Variants in CACNA2D2 observed in about 807,000 individuals in gnomAD.
CACNA2D2 encodes the protein voltage-dependent calcium channel subunit alpha-2/delta-2.
CACNA2D2 carries 48 observed loss-of-function variants against 166.4 expected under a neutral mutation model. The ratio of observed to expected loss-of-function variants is 0.29; its 90% CI spans 0.23 to 0.37. The LOEUF is 0.37. CACNA2D2 is among the 10% of genes least tolerant of loss of function. The pLI, the probability that CACNA2D2 is intolerant of heterozygous loss-of-function variation, is 1.00. For missense variants in CACNA2D2, 1,122 were observed against 1,433.0 expected, an observed-to-expected ratio of 0.78 and a Z score of 3.50; for synonymous variants, 561 against 573.7, an observed-to-expected ratio of 0.98 and a Z score of 0.32.
chr3:50,434,350 A>C lies in CACNA2D2; in HGVS notation c.368T>G (p.Ile123Ser), dbSNP rs761210599. The C allele has an allele frequency of 6.2e-7, 1 of 1,613,832 alleles. No homozygotes were observed. Among genetic ancestry groups the C allele is most frequent in the Non-Finnish European group, 8.5e-7 (1 of 1,179,926 alleles). ...QKLVEKVAGD[I>S]ESLLDRKVQA... ...CACCTTCCTGTCCAGAAGGCTCTCA[A>C]TGTCCCCTGCCACCTTCTCCACCAA... The change falls in exon 3 of 38, where the codon ATT becomes AGT. Residue 123 changes from isoleucine (I) to serine (S), a missense_variant. Ile to Ser is a moderately radical substitution (Grantham distance 142). Coordinates refer to ENST00000424201, the MANE Select transcript of CACNA2D2 (RefSeq NM_006030.4).
chr3:50,400,441 C>T (rs1706391006), intron 3 of CACNA2D2, among the ~76,000 whole-genome samples: 1 of 152,266 alleles, frequency 6.6e-6, no homozygotes, highest in Admixed American at 6.5e-5. Context: ...ACAGACAGTG[C>T]CTGCTACATG....
Position 50,367,380 on chromosome 3 carries a change from G to A in CACNA2D2, c.2401+14C>T. On this transcript the variant is annotated intron_variant, in intron 27 of 37. Coordinates refer to ENST00000424201, the MANE Select transcript of CACNA2D2 (RefSeq NM_006030.4). The surrounding 1 kb of genome is among the most constrained non-coding windows in gnomAD (Gnocchi z 6.5). ...CTCCCTGCCTGCTGCTGGGCACACT[G>A]CGGGGACACTCACCATCCTGGTGTG... 6.2e-7 allele frequency: 1 copy of A among 1,609,340 alleles called. No homozygotes were observed. The highest frequency in any genetic ancestry group is 8.5e-7 in the Non-Finnish European group (1 of 1,176,152).
chr3:50,375,877 G>A lies in CACNA2D2; in HGVS notation c.1777C>T (p.Arg593Cys), dbSNP rs2106640374. The change falls in exon 20 of 38, where the codon CGT becomes TGT. Residue 593 changes from arginine (R) to cysteine (C), a missense_variant. This residue lies in a region of CACNA2D2 where 840 missense variants were observed against 1,166.8 expected (regional missense o/e 0.72). Coordinates refer to ENST00000424201, the MANE Select transcript of CACNA2D2 (RefSeq NM_006030.4). This position sits in a 1 kb window ranked among gnomAD's most constrained non-coding sequence, Gnocchi z 4.0. ...ELEDENKEEI[R>C]RSMIDGNKGH... ...TTGTTGCCATCAATCATGCTCCGAC[G>A]GATCTGGAAGGGCCAGAGATGTGAG... 1.2e-6 allele frequency: 2 copies of A among 1,612,950 alleles called. No homozygotes were observed. Among genetic ancestry groups the A allele is most frequent in the African/African-American group, 1.3e-5 (1 of 75,024 alleles).
chr3:50,417,423 G>A (rs1334599271), intron 3 of CACNA2D2, among the ~76,000 whole-genome samples: 2 of 152,204 alleles, frequency 1.3e-5, no homozygotes. Context: ...AAGGGCACTT[G>A]GGGGGTCTCT....
intron 3 of CACNA2D2, among the ~76,000 whole-genome samples, chr3:50,395,358 C>T (rs928959196): frequency 4.6e-5 from 7 of 152,130 alleles, no homozygotes; most frequent in African/African-American, 1.7e-4. Context: ...CCCCGGAGCC[C>T]AGCCCTCACC....
intron 1 of CACNA2D2, among the ~76,000 whole-genome samples, chr3:50,490,494 C>T (rs181069142): frequency 1.3e-5 from 2 of 152,192 alleles, no homozygotes; most frequent in African/African-American, 4.8e-5. Context: ...ACCCCCTTTA[C>T]TTCCCTCCCC....
In CACNA2D2 at chr3:50,380,472, C is replaced by T. The variant is rs1420470776; in HGVS notation, c.842+276G>A. Among the ~76,000 whole-genome samples the T allele has an allele frequency of 6.6e-6, 1 of 152,166 alleles. No homozygotes were observed. The highest frequency in any genetic ancestry group is 1.5e-5 in the Non-Finnish European group (1 of 68,030). On this transcript the variant is annotated intron_variant, in intron 8 of 37. Coordinates refer to ENST00000424201, the MANE Select transcript of CACNA2D2 (RefSeq NM_006030.4). This position sits in a 1 kb window ranked among gnomAD's most constrained non-coding sequence, Gnocchi z 4.9. ...GGACTGGCCAACCCTACAGAGGCTA[C>T]ATCTGCCTTTGGGGACCCCTTCTGG...
At chr3:50,424,854 C>T (rs74679223) in intron 3 of CACNA2D2, among the ~76,000 whole-genome samples, 58 of 152,232 alleles carry the variant, frequency 3.8e-4, no homozygotes, top group Non-Finnish European at 5.4e-4. Flanking sequence ...GCCAGTGAAA[C>T]CTCAGGGGTT....
At chr3:50,486,428 C>T (rs1043765900) in intron 1 of CACNA2D2, among the ~76,000 whole-genome samples, 2 of 152,112 alleles carry the variant, frequency 1.3e-5, no homozygotes, top group African/African-American at 4.8e-5. Flanking sequence ...GTCAAATCCT[C>T]GCTAAGCCAC....
rs186838422 is a variant in CACNA2D2 at position 50,375,422 on chromosome 3, G to A, written c.1907+222C>T. 6.6e-6 allele frequency among the ~76,000 whole-genome samples: 1 copy of A among 152,348 alleles called. No homozygotes were observed. Among genetic ancestry groups the A allele is most frequent in the Admixed American group, 6.5e-5 (1 of 15,310 alleles). On this transcript the variant is annotated intron_variant, in intron 21 of 37. Transcript: ENST00000424201. The surrounding 1 kb of genome is among the most constrained non-coding windows in gnomAD (Gnocchi z 4.0). ...TGCCAAGGGCAGTATCCTGGGATGA[G>A]GAGACTTTGGATGACTGTGCTGTGC...
intron 3 of CACNA2D2, among the ~76,000 whole-genome samples, chr3:50,396,452 G>C (rs1312704851): frequency 6.6e-6 from 1 of 152,112 alleles, no homozygotes; most frequent in Non-Finnish European, 1.5e-5. Flanking sequence ...ACCTTCTCCA[G>C]GTCCTGTAGG....
intron 3 of CACNA2D2, among the ~76,000 whole-genome samples, chr3:50,434,085 G>A (rs887190705): frequency 6.6e-6 from 1 of 152,174 alleles, no homozygotes; most frequent in African/African-American, 2.4e-5. Flanking sequence ...ATCACACAGA[G>A]CCCCAAGACT....
At chr3:50,369,330 C>T (rs973562548) in intron 23 of CACNA2D2, among the ~76,000 whole-genome samples, 6 of 152,220 alleles carry the variant, frequency 3.9e-5, no homozygotes, top group African/African-American at 7.2e-5. Flanking sequence ...ATGACAAAAA[C>T]GAATAGGGTC....
At chr3:50,404,661 C>T (rs1158644256) in intron 3 of CACNA2D2, among the ~76,000 whole-genome samples, 1 of 152,210 alleles carries the variant, frequency 6.6e-6, no homozygotes, top group African/African-American at 2.4e-5. Context: ...ATATGACTCT[C>T]CTTCCTTCCT....
At chr3:50,472,083 T>C (rs996398679) in intron 2 of CACNA2D2, among the ~76,000 whole-genome samples, 2 of 152,158 alleles carry the variant, frequency 1.3e-5, no homozygotes, top group African/African-American at 2.4e-5. Context: ...CTCAGCAGTC[T>C]TGGGGAGGGG....
At position 50,375,495 on chromosome 3, in the gene CACNA2D2, G is replaced by A. The variant is rs894198561; in HGVS notation, c.1907+149C>T. The A allele has an allele frequency of 6.1e-5, 46 of 754,698 alleles. No homozygotes were observed. The South Asian group carries it at 7.3e-4, about 12-fold the overall frequency. 46.8% of individuals were successfully genotyped at this position (754,698 alleles called of 1,614,324 possible). ...TTAAAAGCCAGGGAGTCTCTTGGCAGACTAAGCATCTCAGGGTGAGTAGTG... is the reference window on the plus strand; with the variant it reads ...TTAAAAGCCAGGGAGTCTCTTGGCAAACTAAGCATCTCAGGGTGAGTAGTG... On this transcript the variant is annotated intron_variant, in intron 21 of 37. Coordinates refer to ENST00000424201, the MANE Select transcript of CACNA2D2 (RefSeq NM_006030.4). This position sits in a 1 kb window ranked among gnomAD's most constrained non-coding sequence, Gnocchi z 4.0.
chr3:50,460,023 ATCCGGAG>A (rs1275174529), intron 2 of CACNA2D2, among the ~76,000 whole-genome samples: 1 of 152,206 alleles, frequency 6.6e-6, no homozygotes, highest in Non-Finnish European at 1.5e-5. Flanking sequence ...GCCTCGCCTG[ATCCGGAG>A]TCAACCCCCG....
At chr3:50,433,996 C>T (rs1708194326) in intron 3 of CACNA2D2, among the ~76,000 whole-genome samples, 1 of 152,174 alleles carries the variant, frequency 6.6e-6, no homozygotes, top group Non-Finnish European at 1.5e-5. Context: ...CATAAACAAA[C>T]CTGGGGACCC....
chr3:50,414,340 C>T (rs151207435), intron 3 of CACNA2D2, among the ~76,000 whole-genome samples: 3 of 152,294 alleles, frequency 2.0e-5, no homozygotes, highest in Admixed American at 2.0e-4. Context: ...GAGAAAACCA[C>T]TGGGGTCTCT....
Sources: allele counts gnomAD v4.1 joint callset (sites outside exome capture counted in the v4.1 genomes callset), GRCh38; gene constraint gnomAD v4.1.1; regional missense constraint gnomAD v4.1.1; non-coding constraint Gnocchi (gnomAD v3.1); transcripts MANE v1.5; gene names NCBI Gene and HGNC (gene_info 2026-07-23, HGNC 2026-07-21).